The following DLG2 variants were observed in gnomAD, a reference collection of about 807,000 sequenced individuals.
DLG2 encodes the protein discs large MAGUK scaffold protein 2, also known as disks large homolog 2.
DLG2 carries 45 observed loss-of-function variants against 132.5 expected under a neutral mutation model. The ratio of observed to expected loss-of-function variants is 0.34; its 90% CI spans 0.27 to 0.44. The LOEUF is 0.44. DLG2 is among the 20% of genes least tolerant of loss of function. DLG2 has a pLI of 1.00. For synonymous variants in DLG2, 424 were observed against 419.6 expected, an observed-to-expected ratio of 1.01 and a Z score of -0.13; for missense variants, 1,045 against 1,196.9, an observed-to-expected ratio of 0.87 and a Z score of 1.87.
intron 3 of DLG2, among the ~76,000 whole-genome samples, chr11:85,526,564 T>A (rs968735555): frequency 1.3e-5 from 2 of 152,208 alleles, no homozygotes; most frequent in African/African-American, 2.4e-5. Context: ...TGACACCATA[T>A]GTAAATCTGG....
chr11:83,767,935 T>C (rs917669390), intron 18 of DLG2, among the ~76,000 whole-genome samples: 4 of 152,200 alleles, frequency 2.6e-5, no homozygotes, highest in Admixed American at 2.0e-4. Flanking sequence ...GCTAGCCAAG[T>C]AGCAGAAGCA....
intron 6 of DLG2, among the ~76,000 whole-genome samples, chr11:85,109,067 A>T (rs2072281970): frequency 6.6e-6 from 1 of 152,022 alleles, no homozygotes; most frequent in Admixed American, 6.6e-5. Flanking sequence ...CAGGAAAAAA[A>T]AATTCAACTG....
chr11:84,815,090 A>G (rs1417218165), intron 6 of DLG2, among the ~76,000 whole-genome samples: 1 of 152,064 alleles, frequency 6.6e-6, no homozygotes. Context: ...AAGTCTCATG[A>G]TCTCAAATTT....
intron 18 of DLG2, among the ~76,000 whole-genome samples, chr11:83,749,019 T>C (rs1335241497): frequency 6.6e-6 from 1 of 152,220 alleles, no homozygotes; most frequent in Non-Finnish European, 1.5e-5. Context: ...ATTATATCAG[T>C]TTTGACTGAC....
chr11:84,263,936 C>G (rs1037119600), intron 7 of DLG2, among the ~76,000 whole-genome samples: 1 of 152,122 alleles, frequency 6.6e-6, no homozygotes, highest in Non-Finnish European at 1.5e-5. Flanking sequence ...CACTTGGGCG[C>G]TCATTACAAG....
At chr11:85,472,445 G>A (rs992824796) in intron 3 of DLG2, among the ~76,000 whole-genome samples, 37 of 152,046 alleles carry the variant, frequency 2.4e-4, no homozygotes, top group Admixed American at 2.4e-3. Context: ...GGGACTACAG[G>A]CACACCACCA....
intron 7 of DLG2, among the ~76,000 whole-genome samples, chr11:84,410,512 T>C (rs561657011): frequency 7.4e-4 from 113 of 151,860 alleles, no homozygotes; most frequent in South Asian, 2.1e-3. Context: ...AGAAAAAGTG[T>C]ATAGAAAACA....
At chr11:84,161,751 C>T (rs756474970) in intron 9 of DLG2, among the ~76,000 whole-genome samples, 8 of 152,088 alleles carry the variant, frequency 5.3e-5, no homozygotes, top group South Asian at 2.1e-4. Context: ...TGCATTGAGT[C>T]CTGTGTTTAG....
At chr11:83,966,252 T>C (rs1016919482) in intron 12 of DLG2, among the ~76,000 whole-genome samples, 7 of 152,082 alleles carry the variant, frequency 4.6e-5, no homozygotes, top group African/African-American at 1.7e-4. Context: ...ACCAGCATTA[T>C]ATGAGAGCCC....
At chr11:83,955,134 A>G (rs2086512696) in intron 14 of DLG2, among the ~76,000 whole-genome samples, 2 of 152,198 alleles carry the variant, frequency 1.3e-5, no homozygotes, top group Non-Finnish European at 2.9e-5. Context: ...TATTTTTGCC[A>G]AGCACGTTAC....
At chr11:85,612,896 T>C (rs995452488) in intron 2 of DLG2, among the ~76,000 whole-genome samples, 1 of 152,146 alleles carries the variant, frequency 6.6e-6, no homozygotes. Context: ...GTAAGGATAG[T>C]AACCACAACC....
intron 3 of DLG2, among the ~76,000 whole-genome samples, chr11:85,421,485 G>C (rs560334458): frequency 1.3e-5 from 2 of 150,882 alleles, no homozygotes; most frequent in Admixed American, 1.3e-4. Context: ...AGCTACTTCT[G>C]CTTGCTTTTT....
chr11:84,085,819 C>A (rs1297242526), intron 10 of DLG2, among the ~76,000 whole-genome samples: 1 of 152,308 alleles, frequency 6.6e-6, no homozygotes, highest in Non-Finnish European at 1.5e-5. Flanking sequence ...TATGTCTCAG[C>A]AATCCTGTTG....
chr11:84,454,759 T>C (rs1408840328), intron 7 of DLG2, among the ~76,000 whole-genome samples: 7 of 151,490 alleles, frequency 4.6e-5, no homozygotes, highest in Non-Finnish European at 5.9e-5. Context: ...CATGATTCCA[T>C]TTATATAAAG....
chr11:85,162,464 A>T, intron 4 of DLG2, among the ~76,000 whole-genome samples: 1 of 152,330 alleles, frequency 6.6e-6, no homozygotes, highest in Non-Finnish European at 1.5e-5. Flanking sequence ...TGGTTAGTAG[A>T]AGAAGGTAGT....
At chr11:84,815,729 A>AT (rs1295840566) in intron 6 of DLG2, among the ~76,000 whole-genome samples, 1 of 152,062 alleles carries the variant, frequency 6.6e-6, no homozygotes, top group African/African-American at 2.4e-5. Flanking sequence ...TCAAAGCCAT[A>AT]TATAAATGAA....
chr11:84,105,017 T>A (rs372239793), intron 9 of DLG2, among the ~76,000 whole-genome samples: 1 of 152,130 alleles, frequency 6.6e-6, no homozygotes, highest in South Asian at 2.1e-4. Context: ...AAGTAAATAG[T>A]GAATTCAGAT....
At chr11:84,475,649 G>C (rs952563979) in intron 7 of DLG2, among the ~76,000 whole-genome samples, 1 of 152,048 alleles carries the variant, frequency 6.6e-6, no homozygotes, top group African/African-American at 2.4e-5. Context: ...ACAAATCAGG[G>C]ACCCCCAATT....
chr11:84,178,064 G>A (rs2096017746), intron 8 of DLG2, among the ~76,000 whole-genome samples: 1 of 151,978 alleles, frequency 6.6e-6, no homozygotes, highest in African/African-American at 2.4e-5. Context: ...ATTCCAGTCT[G>A]GGGCTGCACA....
Sources: allele counts gnomAD v4.1 joint callset (sites outside exome capture counted in the v4.1 genomes callset), GRCh38; gene constraint gnomAD v4.1.1; transcripts MANE v1.5; gene names NCBI Gene and HGNC (gene_info 2026-07-23, HGNC 2026-07-21).